Variants in PTPN3 observed in about 807,000 individuals in gnomAD.
The protein encoded by PTPN3 is protein tyrosine phosphatase non-receptor type 3, also known as tyrosine-protein phosphatase non-receptor type 3.
A neutral mutation model predicts 132.7 loss-of-function variants in PTPN3; 96 were observed. The ratio of observed to expected loss-of-function variants is 0.72; its 90% confidence interval spans 0.61 to 0.86. The LOEUF (loss-of-function observed/expected upper bound fraction) is 0.86. Among genes scored for constraint, PTPN3 ranks in the 40% least tolerant of loss-of-function variants. The probability of loss-of-function intolerance (pLI) is 0.00; values close to 1 mark genes in which losing one functional copy is unlikely to be tolerated. For missense variants in PTPN3, 1,125 were observed against 1,159.6 expected, an observed-to-expected ratio of 0.97 and a Z score of 0.43; for synonymous variants, 398 against 429.0, an observed-to-expected ratio of 0.93 and a Z score of 0.89.
intron 14 of PTPN3, among the ~76,000 whole-genome samples, chr9:109,410,952 G>A (rs927023283): frequency 1.1e-4 from 16 of 152,346 alleles, no homozygotes; most frequent in Admixed American, 9.2e-4. Context: ...GCCACGCTGA[G>A]ATCTTGTTAC....
chr9:109,389,265 C>T lies in PTPN3; in HGVS notation c.2221G>A (p.Val741Ile). The T allele has an allele frequency of 1.2e-6, 2 of 1,614,188 alleles. No homozygotes were observed. The highest frequency in any genetic ancestry group is 2.2e-5 in the South Asian group (2 of 91,072). Residue 741 changes from valine to isoleucine, a missense_variant, in exon 22 of 26, where the codon GTC becomes ATC. Coordinates refer to ENST00000374541, the MANE Select transcript of PTPN3 (RefSeq NM_002829.4). ...CGTTCTGTGAGAGTCGTCAACATGA[C>T]AATGAGTGACAACTTCTGATCCCAG... ...VVWDQKLSLIVMLTTLTERGR... is the reference protein window; with the variant it reads ...VVWDQKLSLIIMLTTLTERGR...
chr9:109,431,345 G>T (rs551790852), intron 10 of PTPN3, among the ~76,000 whole-genome samples: 12 of 152,348 alleles, frequency 7.9e-5, no homozygotes, highest in African/African-American at 2.9e-4. Context: ...AGGAGGTTTG[G>T]TCACAGTTAG....
intron 5 of PTPN3, chr9:109,450,353 C>T: frequency 1.0e-6 from 1 of 985,238 alleles, no homozygotes. Flanking sequence ...TAAGTGTTCT[C>T]TCCTCCTACA....
At chr9:109,450,132 A>G in intron 5 of PTPN3, 3 of 984,360 alleles carry the variant, frequency 3.0e-6, no homozygotes, top group South Asian at 9.4e-5. Flanking sequence ...TAAAAAGCTT[A>G]GGATCCATGT....
Position 109,419,621 on chromosome 9 carries a change from GA to G in PTPN3, c.1313+802del, listed in dbSNP as rs201048008. Among the ~76,000 whole-genome samples, 1,511 of 151,648 alleles carry G rather than the reference GA, an allele frequency of 1.0e-2. 18 individuals carry two copies. The highest frequency in any genetic ancestry group is 0.035 in the African/African-American group (1,441 of 41,346). ...TGTAACTATGAATCCATTAAAATAA[GA>G]AAAAAAAGACCCATATAACAAAGGC... On this transcript the variant is annotated intron_variant, in intron 14 of 25. Transcript: ENST00000374541.
intron 14 of PTPN3, among the ~76,000 whole-genome samples, chr9:109,415,064 G>A (rs1005938725): frequency 6.4e-4 from 81 of 126,302 alleles, no homozygotes; most frequent in African/African-American, 2.1e-3. Context: ...CCGTCCATCC[G>A]TCCGTCCATC....
At chr9:109,442,803 G>T (rs1205368334) in intron 7 of PTPN3, among the ~76,000 whole-genome samples, 1 of 152,146 alleles carries the variant, frequency 6.6e-6, no homozygotes, top group African/African-American at 2.4e-5. Flanking sequence ...GTCAGGTAAT[G>T]AAACTGAGGT....
the PTPN3 span, among the ~76,000 whole-genome samples, chr9:109,523,841 T>C: frequency 1.4e-5 from 1 of 71,272 alleles, no homozygotes; most frequent in Non-Finnish European, 2.8e-5. Flanking sequence ...TGAGTCCCAG[T>C]TGCTGAGCAT....
At chr9:109,467,454 C>T (rs565782145) in intron 1 of PTPN3, among the ~76,000 whole-genome samples, 13 of 151,994 alleles carry the variant, frequency 8.6e-5, no homozygotes, top group African/African-American at 2.9e-4. Flanking sequence ...GCCAGGAAGA[C>T]GAGGACTAAA....
At chr9:109,391,697 T>TC (rs1840117169) in intron 19 of PTPN3, 136 bp from the exon 20 acceptor site, 3 of 645,258 alleles carry the variant, frequency 4.6e-6, no homozygotes, top group Non-Finnish European at 7.5e-6. Flanking sequence ...AAGAAAATCT[T>TC]CCCAATAAGA....
intron 1 of PTPN3, among the ~76,000 whole-genome samples, chr9:109,471,780 A>G (rs781605184): frequency 1.9e-4 from 29 of 152,054 alleles, no homozygotes; most frequent in Non-Finnish European, 3.2e-4. Context: ...AGCTGGGACT[A>G]CAAATGTATA....
At chr9:109,434,229 A>G (rs1163737410) in intron 9 of PTPN3, among the ~76,000 whole-genome samples, 1 of 152,128 alleles carries the variant, frequency 6.6e-6, no homozygotes, top group Non-Finnish European at 1.5e-5. Flanking sequence ...CTGCAGCCTC[A>G]ACCTCCTGGG....
At chr9:109,437,011 G>C (rs557631111) in intron 8 of PTPN3, 41 bp from the exon 9 acceptor site, 2 of 1,611,380 alleles carry the variant, frequency 1.2e-6, no homozygotes, top group African/African-American at 2.7e-5. Flanking sequence ...ATCCAATAAA[G>C]AGAGGGCATT....
In PTPN3 at chr9:109,378,148, T is replaced by C. The variant is rs755118154; in HGVS notation, c.*1408A>G. 2.0e-4 allele frequency: 31 copies of C among 152,366 alleles called. No individual in the cohort carries two copies. The highest frequency in any genetic ancestry group is 2.6e-4 in the Non-Finnish European group (18 of 68,038). The allele number at this position is 152,366 out of a possible 1,614,324, so 9.4% of individuals were successfully genotyped here. On this transcript the variant is annotated 3_prime_UTR_variant, in exon 26 of 26. Transcript: ENST00000374541. ...GGCTTCATTTATGTGCATTATAATA[T>C]GAAAACATCTTTTCTATAAATACCA...
intron 25 of PTPN3, among the ~76,000 whole-genome samples, chr9:109,379,874 A>G (rs1564365755): frequency 6.6e-6 from 1 of 151,960 alleles, no homozygotes. Context: ...GGTCTGGGGG[A>G]GGTGGGAAGG....
At position 109,404,480 on chromosome 9, in the gene PTPN3, G is replaced by A. The variant is rs761872639; in HGVS notation, c.1921C>T (p.Leu641Phe). 27 of 1,529,030 alleles carry A rather than the reference G, an allele frequency of 1.8e-5. No individual in the cohort carries two copies. The highest frequency in any genetic ancestry group is 1.8e-6 in the Non-Finnish European group (2 of 1,124,728). The allele number at this position is 1,529,030 out of a possible 1,614,324, so 94.7% of individuals were successfully genotyped here. The change falls in exon 19 of 26, where the codon CTC (leucine) becomes TTC (phenylalanine). Residue 641 changes from leucine (L) to phenylalanine (F), a missense_variant. Leu to Phe is a conservative substitution (Grantham distance 22). Coordinates refer to ENST00000374541, the MANE Select transcript of PTPN3 (RefSeq NM_002829.4). ...EGSMAQLKKG[L>F]ESGTVLIQFE... ...TGGATCAGCACCGTCCCGCTTTCGA[G>A]GCCCTTCTTTAGCTGTGCCATGGAT...
At chr9:109,381,618 T>G in intron 25 of PTPN3, 34 bp downstream of exon 25, 1 of 1,612,716 alleles carries the variant, frequency 6.2e-7, no homozygotes, top group Non-Finnish European at 8.5e-7. Flanking sequence ...GCTCAGAAAG[T>G]GCCAGCCACC....
chr9:109,384,531 C>T (rs1421890416), intron 22 of PTPN3, among the ~76,000 whole-genome samples: 1 of 152,210 alleles, frequency 6.6e-6, no homozygotes, highest in Non-Finnish European at 1.5e-5. Context: ...ACCACCCTCC[C>T]CAGTTTCTAT....
chr9:109,428,196 T>C (rs942875379), intron 11 of PTPN3, among the ~76,000 whole-genome samples: 1 of 152,236 alleles, frequency 6.6e-6, no homozygotes, highest in Non-Finnish European at 1.5e-5. Flanking sequence ...GTGGGCATTA[T>C]AGAATTTCTG....
Sources: gnomAD v4.1 joint callset for allele counts (sites outside exome capture counted in the v4.1 genomes callset) on GRCh38, gnomAD v4.1.1 for gene constraint, MANE v1.5 for transcripts, NCBI Gene and HGNC (gene_info 2026-07-23, HGNC 2026-07-21) for gene names.